ZCRB1: variants seen among roughly 807,000 people sequenced by gnomAD.
The protein encoded by ZCRB1 is zinc finger CCHC-type and RNA binding motif containing 1.
Under a neutral mutation model 29.9 loss-of-function variants are expected in ZCRB1, and 21 were observed. The ratio of observed to expected loss-of-function variants is 0.70; its 90% CI spans 0.50 to 1.01. The LOEUF (loss-of-function observed/expected upper bound fraction) is 1.01. Ranked by LOEUF, ZCRB1 falls within the 50% of genes least tolerant of loss-of-function variation. The pLI is 0.00. For synonymous variants in ZCRB1, 77 were observed against 80.0 expected (o/e 0.96, Z 0.20); for missense variants, 204 against 253.3 (o/e 0.81, Z 1.32).
chr12:42,321,196 C>T lies in ZCRB1; in HGVS notation c.113+1222G>A, dbSNP rs117483199. 8.0e-3 allele frequency among the ~76,000 whole-genome samples: 1,213 copies of T among 152,258 alleles called. 42 individuals carry two copies. In the East Asian group the frequency reaches 0.091, roughly 11 times the overall value. Reference sequence around the variant, plus strand: ...CCTGTTTCTAGGTGCTTATAACTCTCGTGTCTTTAACTCCATTGCAGTTTC... The same window carrying T: ...CCTGTTTCTAGGTGCTTATAACTCTTGTGTCTTTAACTCCATTGCAGTTTC... On this transcript the variant is annotated intron_variant, in intron 3 of 7. Coordinates refer to ENST00000266529, the MANE Select transcript of ZCRB1 (RefSeq NM_033114.4).
intron 5 of ZCRB1, among the ~76,000 whole-genome samples, chr12:42,315,902 C>T (rs2068592323): frequency 6.6e-6 from 1 of 152,108 alleles, no homozygotes. Context: ...TCTTTCTATT[C>T]ATCCATCCAT....
intron 3 of ZCRB1, among the ~76,000 whole-genome samples, chr12:42,322,082 G>A (rs2068624484): frequency 6.6e-6 from 1 of 151,974 alleles, no homozygotes; most frequent in Non-Finnish European, 1.5e-5. Context: ...TTGAAAGTAG[G>A]TTACTTATAG....
intron 5 of ZCRB1, among the ~76,000 whole-genome samples, chr12:42,316,848 T>G (rs2068597024): frequency 6.6e-6 from 1 of 152,222 alleles, no homozygotes; most frequent in African/African-American, 2.4e-5. Context: ...CCACTTTGTA[T>G]TACCCAACTC....
intron 5 of ZCRB1, among the ~76,000 whole-genome samples, chr12:42,314,497 G>A (rs1400262568): frequency 6.8e-6 from 1 of 147,176 alleles, no homozygotes; most frequent in East Asian, 2.0e-4. Context: ...TAGGAGAATT[G>A]CTTAAACCCA....
chr12:42,313,310 C>T, intron 7 of ZCRB1, 112 bp from the exon 8 acceptor site: 2 of 1,146,788 alleles, frequency 1.7e-6, no homozygotes, highest in South Asian at 1.9e-5. Context: ...CCCACCCTCC[C>T]AGTCCATGCA....
At chr12:42,320,622 A>AT (rs2068616708) in intron 3 of ZCRB1, among the ~76,000 whole-genome samples, 1 of 151,632 alleles carries the variant, frequency 6.6e-6, no homozygotes, top group Non-Finnish European at 1.5e-5. Flanking sequence ...TACTTTTTGT[A>AT]TTTTTTGTAG....
intron 3 of ZCRB1, among the ~76,000 whole-genome samples, chr12:42,320,803 T>C (rs1376313085): frequency 6.6e-6 from 1 of 152,188 alleles, no homozygotes; most frequent in African/African-American, 2.4e-5. Flanking sequence ...CAGAATAAAC[T>C]TTAAAAAATT....
At chr12:42,321,228 TAG>T (rs2068619742) in intron 3 of ZCRB1, among the ~76,000 whole-genome samples, 1 of 152,224 alleles carries the variant, frequency 6.6e-6, no homozygotes, top group Non-Finnish European at 1.5e-5. Flanking sequence ...TTTCATGGTT[TAG>T]GACTATATAT....
chr12:42,317,956 T>C, intron 3 of ZCRB1, 58 bp from the exon 4 acceptor site: 1 of 1,363,070 alleles, frequency 7.3e-7, no homozygotes, highest in Non-Finnish European at 1.0e-6. Context: ...CAGATACTAA[T>C]ACTTGAAAAA....
chr12:42,316,299 T>C (rs2068594448), intron 5 of ZCRB1, among the ~76,000 whole-genome samples: 1 of 151,982 alleles, frequency 6.6e-6, no homozygotes, highest in African/African-American at 2.4e-5. Context: ...TCAGTTTCAC[T>C]ATGTTGGTCA....
chr12:42,317,685 G>T, intron 4 of ZCRB1, 102 bp downstream of exon 4: 1 of 1,002,976 alleles, frequency 1.0e-6, no homozygotes, highest in Non-Finnish European at 1.5e-6. Flanking sequence ...AGAATCTACT[G>T]ATATCTGCTA....
At chr12:42,321,503 T>G (rs2068621080) in intron 3 of ZCRB1, among the ~76,000 whole-genome samples, 1 of 152,246 alleles carries the variant, frequency 6.6e-6, no homozygotes, top group Admixed American at 6.5e-5. Context: ...TGTGCTCATT[T>G]AAGTATCACA....
chr12:42,321,248 G>A (rs1009474825), intron 3 of ZCRB1, among the ~76,000 whole-genome samples: 2 of 152,158 alleles, frequency 1.3e-5, no homozygotes, highest in African/African-American at 4.8e-5. Context: ...TATTTATATG[G>A]AGATCCATTC....
At chr12:42,314,128 G>T in intron 5 of ZCRB1, 142 bp from the exon 6 acceptor site, 1 of 745,456 alleles carries the variant, frequency 1.3e-6, no homozygotes, top group Non-Finnish European at 2.1e-6. Flanking sequence ...AGACATTAAT[G>T]ATAAAACCCA....
chr12:42,323,316 T>A (rs568982959), intron 2 of ZCRB1, among the ~76,000 whole-genome samples: 1 of 152,308 alleles, frequency 6.6e-6, no homozygotes, highest in African/African-American at 2.4e-5. Context: ...CCAGAGTCCT[T>A]ACCATGATGT....
At chr12:42,323,980 T>C in intron 2 of ZCRB1, 39 bp downstream of exon 2, 3 of 1,527,676 alleles carry the variant, frequency 2.0e-6, no homozygotes, top group Non-Finnish European at 2.7e-6. Context: ...TAAGGTTATC[T>C]GTATCTCAAA....
intron 2 of ZCRB1, 31 bp downstream of exon 2, chr12:42,323,988 A>C: frequency 6.4e-7 from 1 of 1,572,918 alleles, no homozygotes; most frequent in Non-Finnish European, 8.7e-7. Flanking sequence ...TCTGTATCTC[A>C]AATAGCAGTC....
rs1224370693 is a variant in ZCRB1, at chr12:42,313,749, T to C, written c.463A>G (p.Ser155Gly). The C allele has an allele frequency of 1.2e-6, 2 of 1,614,108 alleles. No homozygotes were observed. Among genetic ancestry groups the C allele is most frequent in the Non-Finnish European group, 1.7e-6 (2 of 1,180,000 alleles). The change falls in exon 7 of 8, where the codon AGT becomes GGT. Residue 155 changes from serine (S) to glycine (G), a missense_variant. By Grantham distance (56) the Ser-to-Gly change is moderately conservative. Transcript: ENST00000266529. The part of the protein sequence containing the change: ...PEEEIEEVEE[S>G]EDEGEDPALD... ...GCAGGATCCTCCCCTTCATCTTCAC[T>C]TTCTTCTACTTCCTCACTTAAATAA... is the stretch of plus-strand genomic sequence containing the variant.
intron 1 of ZCRB1, among the ~76,000 whole-genome samples, chr12:42,325,149 A>G (rs1051201576): frequency 6.6e-6 from 1 of 152,234 alleles, no homozygotes; most frequent in Admixed American, 6.5e-5. Flanking sequence ...ATATGGTACA[A>G]TGTATTACAC....
Sources: gnomAD v4.1 joint callset for allele counts (sites outside exome capture counted in the v4.1 genomes callset) on GRCh38, gnomAD v4.1.1 for gene constraint, MANE v1.5 for transcripts, NCBI Gene and HGNC (gene_info 2026-07-23, HGNC 2026-07-21) for gene names.